The following MAP2K6 variants were observed in gnomAD, a reference collection of about 807,000 sequenced individuals.
MAP2K6 encodes the protein mitogen-activated protein kinase kinase 6.
A neutral mutation model predicts 53.7 loss-of-function variants in MAP2K6; 16 were observed. The observed-to-expected ratio is 0.30, with a 90% confidence interval of 0.20 to 0.45. The LOEUF is 0.45. Among genes scored for constraint, MAP2K6 ranks in the 20% least tolerant of loss-of-function variants. MAP2K6 has a pLI of 1.00. For synonymous variants in MAP2K6, 132 were observed against 143.1 expected (o/e 0.92, Z 0.55); for missense variants, 204 against 411.9 (o/e 0.50, Z 4.37).
chr17:69,418,523 C>T (rs1567811367), intron 1 of MAP2K6, among the ~76,000 whole-genome samples: 1 of 105,500 alleles, frequency 9.5e-6, no homozygotes, highest in Non-Finnish European at 2.0e-5. Context: ...CATTTATTCT[C>T]TTGGACTTTT....
At chr17:69,510,590 T>C (rs1909759978) in intron 2 of MAP2K6, among the ~76,000 whole-genome samples, 1 of 152,182 alleles carries the variant, frequency 6.6e-6, no homozygotes, top group African/African-American at 2.4e-5. Context: ...AGCCTGGATT[T>C]TTTTTTTCTG....
chr17:69,522,412 T>C (rs577909140), intron 7 of MAP2K6, among the ~76,000 whole-genome samples: 1 of 152,268 alleles, frequency 6.6e-6, no homozygotes, highest in Non-Finnish European at 1.5e-5. Context: ...GGTATAAAAA[T>C]AATAAAATGA....
intron 10 of MAP2K6, among the ~76,000 whole-genome samples, chr17:69,529,504 ATTTTTTT>A (rs10566943): frequency 3.2e-3 from 319 of 98,394 alleles, no homozygotes; most frequent in Non-Finnish European, 5.3e-3. Flanking sequence ...ATGGTTTTTA[ATTTTTTT>A]TTTTTTTTTT....
chr17:69,491,948 T>A (rs1908771335), intron 1 of MAP2K6, among the ~76,000 whole-genome samples: 1 of 152,134 alleles, frequency 6.6e-6, no homozygotes, highest in African/African-American at 2.4e-5. Context: ...GCCACATGTA[T>A]ATCTTCTTTT....
intron 1 of MAP2K6, among the ~76,000 whole-genome samples, chr17:69,443,094 A>G (rs1389047510): frequency 2.6e-5 from 4 of 152,060 alleles, no homozygotes; most frequent in Non-Finnish European, 5.9e-5. Context: ...ACACCCAAAC[A>G]TGCATTCTTT....
intron 1 of MAP2K6, among the ~76,000 whole-genome samples, chr17:69,450,393 T>A (rs1353326218): frequency 6.6e-6 from 1 of 152,220 alleles, no homozygotes; most frequent in African/African-American, 2.4e-5. Context: ...AAAAGGTTGG[T>A]CTCCAAGTTG....
rs1421612881 is a variant in MAP2K6 at position 69,549,265 on chromosome 17, T to A, written c.*7512T>A. The A allele has an allele frequency of 6.6e-6, 1 of 152,142 alleles. No homozygotes were observed. The highest frequency in any genetic ancestry group is 1.5e-5 in the Non-Finnish European group (1 of 68,012). 9.4% of individuals were successfully genotyped at this position (152,142 alleles called of 1,614,324 possible). ...CTTTCTCCAGTTTACACTTTTGCAT[T>A]TCTGAGATTCAGGGTCTTTTTCAAG... On this transcript the variant is annotated 3_prime_UTR_variant, in exon 12 of 12. Transcript: ENST00000590474.
At chr17:69,484,697 T>C (rs919610416) in intron 1 of MAP2K6, among the ~76,000 whole-genome samples, 1 of 151,898 alleles carries the variant, frequency 6.6e-6, no homozygotes, top group African/African-American at 2.4e-5. Flanking sequence ...AATGAATAAA[T>C]AAAAGGTGGC....
chr17:69,441,739 G>A (rs1250497802), intron 1 of MAP2K6, among the ~76,000 whole-genome samples: 11 of 152,196 alleles, frequency 7.2e-5, no homozygotes, highest in Non-Finnish European at 1.6e-4. Flanking sequence ...TAAACCTTAT[G>A]ATTTAGAAGA....
At chr17:69,453,084 G>A (rs1907283773) in intron 1 of MAP2K6, among the ~76,000 whole-genome samples, 1 of 152,160 alleles carries the variant, frequency 6.6e-6, no homozygotes, top group East Asian at 1.9e-4. Flanking sequence ...GCCTTTTGCT[G>A]GGAATTACCT....
intron 1 of MAP2K6, among the ~76,000 whole-genome samples, chr17:69,462,507 C>T (rs1025226400): frequency 6.6e-6 from 1 of 152,150 alleles, no homozygotes; most frequent in African/African-American, 2.4e-5. Flanking sequence ...AGTCCCATTT[C>T]CACCCCATTT....
At chr17:69,415,389 A>G (rs923991012) in intron 1 of MAP2K6, among the ~76,000 whole-genome samples, 5 of 152,242 alleles carry the variant, frequency 3.3e-5, no homozygotes, top group South Asian at 2.1e-4. Context: ...TAAAAACTCT[A>G]TAGGTGAAGA....
intron 1 of MAP2K6, among the ~76,000 whole-genome samples, chr17:69,463,268 G>A (rs564963284): frequency 8.8e-4 from 133 of 150,376 alleles, no homozygotes; most frequent in African/African-American, 2.9e-3. Context: ...GTACATATAT[G>A]TATGTGTGTA....
Position 69,550,745 on chromosome 17 carries a change from CTG to C in MAP2K6, c.*8994_*8995del, listed in dbSNP as rs1912063543. On this transcript the variant is annotated 3_prime_UTR_variant, in exon 12 of 12. Coordinates refer to ENST00000590474, the MANE Select transcript of MAP2K6 (RefSeq NM_002758.4). ...AGGTGAACTCTGCCTATCTGAACCT[CTG>C]TCAACCTCCAGTCAGAATATCTGGC... The C allele has an allele frequency of 1.3e-5, 2 of 152,120 alleles. No individual in the cohort carries two copies. Among genetic ancestry groups the C allele is most frequent in the African/African-American group, 2.4e-5 (1 of 41,432 alleles). The allele number at this position is 152,120 out of a possible 1,614,324, so 9.4% of individuals were successfully genotyped here. A position where few individuals can be genotyped will look rare whatever the true frequency, so the allele number is the denominator to read the frequency against.
intron 1 of MAP2K6, among the ~76,000 whole-genome samples, chr17:69,500,773 A>G (rs980676871): frequency 2.0e-5 from 3 of 151,980 alleles, no homozygotes; most frequent in Non-Finnish European, 2.9e-5. Context: ...AAAGAAAAAA[A>G]AAAAGAGGTT....
intron 1 of MAP2K6, among the ~76,000 whole-genome samples, chr17:69,500,755 C>CAA (rs36102273): frequency 4.3e-4 from 57 of 132,402 alleles, no homozygotes; most frequent in South Asian, 9.3e-4. Flanking sequence ...GATTCCATCT[C>CAA]AAAAAAAAAA....
At chr17:69,524,397 A>G (rs1910651820) in intron 8 of MAP2K6, among the ~76,000 whole-genome samples, 1 of 151,296 alleles carries the variant, frequency 6.6e-6, no homozygotes, top group Non-Finnish European at 1.5e-5. Context: ...ATTCACCGTC[A>G]TTAGCAGAGA....
chr17:69,496,081 CT>C lies in MAP2K6; in HGVS notation c.17-9687del, dbSNP rs879682523. On this transcript the variant is annotated intron_variant, in intron 1 of 11. Transcript: ENST00000590474. ...ACATGACATAAAAGGTCTACTAGGA[CT>C]TTTTTTTTTTTAGCTTTAATCACAT... Among the ~76,000 whole-genome samples, 962 of 144,204 alleles carry C rather than the reference CT, an allele frequency of 6.7e-3. 3 individuals carry two copies. Among genetic ancestry groups the C allele is most frequent in the Non-Finnish European group, 9.1e-3 (595 of 65,322 alleles). The allele number at this position is 144,204 out of a possible 152,430, so 94.6% of individuals were successfully genotyped here.
Position 69,550,686 on chromosome 17 carries a change from C to A in MAP2K6, c.*8933C>A, listed in dbSNP as rs894006347. 1 of 152,084 alleles carries A rather than the reference C, an allele frequency of 6.6e-6. No individual in the cohort carries two copies. Among genetic ancestry groups the A allele is most frequent in the African/African-American group, 2.4e-5 (1 of 41,394 alleles). The allele number at this position is 152,084 out of a possible 1,614,324, so 9.4% of individuals were successfully genotyped here. A position where few individuals can be genotyped will look rare whatever the true frequency, so the allele number is the denominator to read the frequency against. ...CATATTCAGTGGTGCCCCTGAGGGT[C>A]TCTTGTGAACAGAAGGGAAAAAGAG... On this transcript the variant is annotated 3_prime_UTR_variant, in exon 12 of 12. Coordinates refer to ENST00000590474, the MANE Select transcript of MAP2K6 (RefSeq NM_002758.4).
Sources: gnomAD v4.1 joint callset for allele counts (sites outside exome capture counted in the v4.1 genomes callset) on GRCh38, gnomAD v4.1.1 for gene constraint, MANE v1.5 for transcripts, NCBI Gene and HGNC (gene_info 2026-07-23, HGNC 2026-07-21) for gene names.